ITPKB: variants seen among roughly 807,000 people sequenced by gnomAD.
ITPKB encodes the protein inositol-trisphosphate 3-kinase B.
ITPKB carries 13 observed loss-of-function variants against 69.4 expected under a neutral mutation model. The ratio of observed to expected loss-of-function variants is 0.19; its 90% CI spans 0.12 to 0.30. The LOEUF (loss-of-function observed/expected upper bound fraction) is 0.30. ITPKB is among the 10% of genes least tolerant of loss of function. The pLI, the probability that ITPKB is intolerant of heterozygous loss-of-function variation, is 1.00. For missense variants in ITPKB, 1,240 were observed against 1,250.5 expected (o/e 0.99, Z 0.13); for synonymous variants, 584 against 513.7 (o/e 1.14, Z -1.85).
intron 2 of ITPKB, among the ~76,000 whole-genome samples, chr1:226,718,775 T>C (rs116503372): frequency 0.027 from 4,129 of 152,224 alleles, 189 homozygotes; most frequent in African/African-American, 0.095. Flanking sequence ...GGATGTAAAA[T>C]GGTGAAGCCA....
chr1:226,736,808 G>A lies in ITPKB; in HGVS notation c.651C>T (p.Ser217=), dbSNP rs1657790328. 6.2e-7 allele frequency: 1 copy of A among 1,612,978 alleles called. No individual in the cohort carries two copies. Residue 217 remains serine (S), a synonymous_variant, in exon 2 of 8, where the codon TCC becomes TCT. Transcript: ENST00000429204. ...EQCPETSGTD[S]GRKGGPSLCS... ...ATAGGCTGGGCCCTCCTTTCCTCCC[G>A]GAGTCGGTTCCTGAAGTCTCTGGAC...
chr1:226,685,045 C>T (rs1179029511), intron 2 of ITPKB, among the ~76,000 whole-genome samples: 1 of 152,192 alleles, frequency 6.6e-6, no homozygotes, highest in Non-Finnish European at 1.5e-5. Flanking sequence ...CTTTGAATGC[C>T]TGAGTAGACA....
At chr1:226,727,589 A>G (rs1444269335) in intron 2 of ITPKB, among the ~76,000 whole-genome samples, 1 of 152,034 alleles carries the variant, frequency 6.6e-6, no homozygotes, top group African/African-American at 2.4e-5. Context: ...AAACAGTAAA[A>G]TCAGTTTATT....
intron 2 of ITPKB, among the ~76,000 whole-genome samples, chr1:226,732,447 A>G (rs1323939931): frequency 1.3e-5 from 2 of 151,988 alleles, no homozygotes; most frequent in Non-Finnish European, 2.9e-5. Flanking sequence ...CATGTTGGCC[A>G]GGCTGGTTTT....
Position 226,738,412 on chromosome 1 carries a change from G to C in ITPKB, c.-206+629C>G, listed in dbSNP as rs899575955. On this transcript the variant is annotated intron_variant, in intron 1 of 7. Transcript: ENST00000429204. This position sits in a 1 kb window ranked among gnomAD's most constrained non-coding sequence, Gnocchi z 4.2. Reference sequence around the variant, plus strand: ...GAGGTTCTACACGTTCTCTTTACCGGAACCAGTACTTGCTGCCCCCCTGCC... The same window carrying C: ...GAGGTTCTACACGTTCTCTTTACCGCAACCAGTACTTGCTGCCCCCCTGCC... Among the ~76,000 whole-genome samples the C allele has an allele frequency of 4.6e-5, 7 of 152,336 alleles. No individual in the cohort carries two copies. Among genetic ancestry groups the C allele is most frequent in the African/African-American group, 1.7e-4 (7 of 41,584 alleles).
At position 226,736,933 on chromosome 1, in the gene ITPKB, A is replaced by C; in HGVS notation, c.526T>G (p.Ser176Ala). ...CTGCTGCTGCGGAAGGGGCACGGGG[A>C]GGGCGAGCGAGCCCTGCCCAAACGC... ...SPRLGRARSP[S>A]PCPFRSSSQP... Residue 176 changes from serine (S) to alanine (A), a missense_variant, in exon 2 of 8, where the codon TCC (serine) becomes GCC (alanine). Coordinates refer to ENST00000429204, the MANE Select transcript of ITPKB (RefSeq NM_002221.4). 1 of 1,608,582 alleles carries C rather than the reference A, an allele frequency of 6.2e-7. No homozygotes were observed. Among genetic ancestry groups the C allele is most frequent in the Non-Finnish European group, 8.5e-7 (1 of 1,178,248 alleles).
At chr1:226,687,030 C>T (rs1029360505) in intron 2 of ITPKB, among the ~76,000 whole-genome samples, 2 of 152,248 alleles carry the variant, frequency 1.3e-5, no homozygotes, top group Non-Finnish European at 2.9e-5. Context: ...TCACCAGGTG[C>T]TGGCAGGGAC....
chr1:226,671,806 G>A (rs917687198), intron 2 of ITPKB, among the ~76,000 whole-genome samples: 1 of 152,174 alleles, frequency 6.6e-6, no homozygotes, highest in African/African-American at 2.4e-5. Flanking sequence ...AGGTGTGTGG[G>A]CAGCTTCAAA....
Position 226,735,623 on chromosome 1 carries a change from G to C in ITPKB, c.1836C>G (p.Tyr612Ter). 1 of 1,610,640 alleles carries C rather than the reference G, an allele frequency of 6.2e-7. No individual in the cohort carries two copies. The highest frequency in any genetic ancestry group is 8.5e-7 in the Non-Finnish European group (1 of 1,178,182). ...SASSTGFSSS[Y>*]EDSEEDISSD... ...TGGAGATGTCCTCCTCTGAGTCTTC[G>C]TAGGATGAGGAGAAGCCCGTGGAGG... The change falls in exon 2 of 8, where the codon TAC becomes TAG. Residue 612 changes from tyrosine (Y) to a stop codon, truncating the protein, a stop_gained. Transcript: ENST00000429204. LOFTEE classifies it high-confidence loss of function.
intron 2 of ITPKB, among the ~76,000 whole-genome samples, chr1:226,697,765 G>C (rs1237898892): frequency 6.6e-6 from 1 of 152,158 alleles, no homozygotes; most frequent in African/African-American, 2.4e-5. Context: ...AATTCTCTAG[G>C]GTCCTCTGCA....
intron 7 of ITPKB, among the ~76,000 whole-genome samples, chr1:226,636,752 C>CTGTGTGTGTG (rs3831353): frequency 5.4e-3 from 750 of 140,050 alleles, no homozygotes; most frequent in Non-Finnish European, 8.4e-3. Context: ...GACTGCAGCT[C>CTGTGTGTGTG]TGTGTGTGTG....
At chr1:226,708,747 C>T (rs183298818) in intron 2 of ITPKB, among the ~76,000 whole-genome samples, 103 of 152,342 alleles carry the variant, frequency 6.8e-4, no homozygotes, top group African/African-American at 2.4e-3. Flanking sequence ...ACTGCCTGTG[C>T]TGGGACTTAC....
chr1:226,696,932 A>G (rs1656503835), intron 2 of ITPKB, among the ~76,000 whole-genome samples: 1 of 152,202 alleles, frequency 6.6e-6, no homozygotes, highest in African/African-American at 2.4e-5. Context: ...CTCACACTCA[A>G]TGATGTCAGC....
chr1:226,702,399 GAAA>G (rs397714660), intron 2 of ITPKB, among the ~76,000 whole-genome samples: 2 of 136,870 alleles, frequency 1.5e-5, no homozygotes, highest in Non-Finnish European at 3.2e-5. Flanking sequence ...CTCCCTCTCG[GAAA>G]AAAAAAAAAA....
intron 5 of ITPKB, among the ~76,000 whole-genome samples, chr1:226,640,044 G>A (rs1668926490): frequency 6.6e-6 from 1 of 152,162 alleles, no homozygotes; most frequent in African/African-American, 2.4e-5. Context: ...CCGGGCCCTG[G>A]AACCGGTGCC....
chr1:226,653,687 G>A (rs557022109), intron 2 of ITPKB, among the ~76,000 whole-genome samples: 2 of 152,358 alleles, frequency 1.3e-5, no homozygotes, highest in South Asian at 4.1e-4. Flanking sequence ...ACGCAGGGGT[G>A]CCCCTGGGTA....
At chr1:226,639,785 AC>A in intron 5 of ITPKB, 127 bp from the exon 6 acceptor site, 1 of 693,910 alleles carries the variant, frequency 1.4e-6, no homozygotes. Context: ...CAGTGGAGGC[AC>A]CCAGGTGTCC....
chr1:226,700,552 T>C (rs973764538), intron 2 of ITPKB, among the ~76,000 whole-genome samples: 1 of 143,400 alleles, frequency 7.0e-6, no homozygotes, highest in Non-Finnish European at 1.5e-5. Context: ...TTAACCATCA[T>C]CACAGCTATT....
At chr1:226,718,416 A>C (rs757950644) in intron 2 of ITPKB, among the ~76,000 whole-genome samples, 9 of 152,156 alleles carry the variant, frequency 5.9e-5, no homozygotes, top group Non-Finnish European at 1.0e-4. Context: ...CGACACAGCA[A>C]GACCCCATCT....
Sources: gnomAD v4.1 joint callset for allele counts (sites outside exome capture counted in the v4.1 genomes callset) on GRCh38, gnomAD v4.1.1 for gene constraint, Gnocchi (gnomAD v3.1) non-coding constraint, MANE v1.5 for transcripts, NCBI Gene and HGNC (gene_info 2026-07-23, HGNC 2026-07-21) for gene names.